The following CTNND2 variants were observed in gnomAD, a reference collection of about 807,000 sequenced individuals.
CTNND2 encodes catenin delta 2.
A neutral mutation model predicts 144.4 loss-of-function variants in CTNND2; 22 were observed. The observed-to-expected ratio is 0.15, with a 90% confidence interval of 0.11 to 0.22. The LOEUF (loss-of-function observed/expected upper bound fraction) is 0.22. CTNND2 is among the 10% of genes least tolerant of loss of function. The probability of loss-of-function intolerance (pLI) is 1.00; values close to 1 mark genes in which losing one functional copy is unlikely to be tolerated. For synonymous variants in CTNND2, 751 were observed against 695.6 expected, an observed-to-expected ratio of 1.08 and a Z score of -1.25; for missense variants, 1,353 against 1,618.8, an observed-to-expected ratio of 0.84 and a Z score of 2.82.
At chr5:11,668,178 T>C (rs1031610521) in intron 2 of CTNND2, among the ~76,000 whole-genome samples, 3 of 152,216 alleles carry the variant, frequency 2.0e-5, no homozygotes, top group Non-Finnish European at 4.4e-5. Flanking sequence ...CCTTGTAATA[T>C]AGTTTGAAGT....
intron 12 of CTNND2, among the ~76,000 whole-genome samples, chr5:11,134,347 C>T (rs1170784383): frequency 2.0e-5 from 3 of 152,146 alleles, no homozygotes; most frequent in Non-Finnish European, 4.4e-5. Flanking sequence ...CTCTTCTGTG[C>T]AAAAAGAGCC....
chr5:11,700,329 G>A (rs1016237423), intron 2 of CTNND2, among the ~76,000 whole-genome samples: 1 of 152,162 alleles, frequency 6.6e-6, no homozygotes, highest in Admixed American at 6.5e-5. Flanking sequence ...GGCAGAGGGT[G>A]CAGTGAGCCA....
chr5:11,623,815 T>C lies in CTNND2; in HGVS notation c.175-58759A>G, dbSNP rs1248714060. Among the ~76,000 whole-genome samples the C allele has an allele frequency of 4.5e-4, 20 of 44,052 alleles. No homozygotes were observed. The East Asian group carries it at 7.3e-3, about 16-fold the overall frequency. The allele number at this position is 44,052 out of a possible 152,430, so 28.9% of individuals were successfully genotyped here. On this transcript the variant is annotated intron_variant, in intron 2 of 21. Transcript: ENST00000304623. ...ATATATATATGTGTGTATGTATATA[T>C]ATATATATATATATATATATATATA...
intron 2 of CTNND2, among the ~76,000 whole-genome samples, chr5:11,667,857 T>C (rs1175736005): frequency 6.6e-6 from 1 of 152,208 alleles, no homozygotes; most frequent in Non-Finnish European, 1.5e-5. Context: ...ATGTCCAGAA[T>C]GGTATTGCCT....
chr5:11,017,160 T>TAA (rs55739159), intron 18 of CTNND2, among the ~76,000 whole-genome samples: 3,238 of 146,548 alleles, frequency 0.022, 74 homozygotes, highest in Non-Finnish European at 0.027. Context: ...TGGGAAATGT[T>TAA]AAAAAAAAAA....
chr5:11,005,506 A>G (rs962809598), intron 18 of CTNND2, among the ~76,000 whole-genome samples: 2 of 152,204 alleles, frequency 1.3e-5, no homozygotes, highest in African/African-American at 4.8e-5. Flanking sequence ...ATGATGATGG[A>G]AGTAAGGATG....
At chr5:11,434,382 C>G (rs1035504791) in intron 3 of CTNND2, among the ~76,000 whole-genome samples, 1 of 152,166 alleles carries the variant, frequency 6.6e-6, no homozygotes, top group African/African-American at 2.4e-5. Flanking sequence ...CCTGGGAAGA[C>G]AGCGTAATAT....
At chr5:11,898,550 A>G (rs1300157529) in intron 1 of CTNND2, among the ~76,000 whole-genome samples, 2 of 152,172 alleles carry the variant, frequency 1.3e-5, no homozygotes, top group Non-Finnish European at 2.9e-5. Context: ...TCTAATATCA[A>G]TGATCCAATT....
At chr5:11,124,227 C>T (rs1318520709) in intron 12 of CTNND2, among the ~76,000 whole-genome samples, 1 of 152,146 alleles carries the variant, frequency 6.6e-6, no homozygotes, top group Non-Finnish European at 1.5e-5. Flanking sequence ...GACCTAATAG[C>T]TACCCCTTCA....
intron 3 of CTNND2, among the ~76,000 whole-genome samples, chr5:11,463,672 G>C (rs1038109509): frequency 6.0e-5 from 9 of 150,258 alleles, no homozygotes; most frequent in African/African-American, 2.0e-4. Context: ...GAGCACACAT[G>C]GGGTGCTTCA....
rs192673370 is a variant in CTNND2 at position 11,611,068 on chromosome 5, A to G, written c.175-46012T>C. ...GAGGGACCTGGTGGGAGGTAATTTA[A>G]TCATGCGGACAGTTACCCCTCATGC... On this transcript the variant is annotated intron_variant, in intron 2 of 21. Transcript: ENST00000304623. 2.6e-5 allele frequency among the ~76,000 whole-genome samples: 4 copies of G among 152,274 alleles called. No homozygotes were observed. In the East Asian group the frequency reaches 7.7e-4, roughly 29 times the overall value.
At chr5:11,126,350 C>T (rs148842839) in intron 12 of CTNND2, among the ~76,000 whole-genome samples, 13 of 152,240 alleles carry the variant, frequency 8.5e-5, no homozygotes, top group South Asian at 4.2e-4. Context: ...AATTAATACC[C>T]TGTTAATGAA....
intron 2 of CTNND2, among the ~76,000 whole-genome samples, chr5:11,721,497 T>C (rs1232624132): frequency 6.6e-6 from 1 of 152,220 alleles, no homozygotes; most frequent in Non-Finnish European, 1.5e-5. Context: ...TCTACTGCTG[T>C]GTAACAAACC....
intron 10 of CTNND2, among the ~76,000 whole-genome samples, chr5:11,213,183 C>T (rs1049353309): frequency 5.3e-5 from 8 of 152,100 alleles, no homozygotes; most frequent in Non-Finnish European, 8.8e-5. Flanking sequence ...GTGTTCTGAG[C>T]CCCAGCAAGG....
At chr5:11,623,177 A>G (rs1271688429) in intron 2 of CTNND2, among the ~76,000 whole-genome samples, 1 of 152,180 alleles carries the variant, frequency 6.6e-6, no homozygotes, top group African/African-American at 2.4e-5. Flanking sequence ...TCAAATCGGT[A>G]GAAGTGTTCA....
chr5:11,517,445 A>G (rs1481751177), intron 3 of CTNND2, among the ~76,000 whole-genome samples: 1 of 152,246 alleles, frequency 6.6e-6, no homozygotes, highest in Non-Finnish European at 1.5e-5. Flanking sequence ...AGTAATTTTT[A>G]ACACCTTTGT....
intron 2 of CTNND2, among the ~76,000 whole-genome samples, chr5:11,647,216 AC>A (rs1393995869): frequency 1.3e-5 from 2 of 151,930 alleles, no homozygotes; most frequent in African/African-American, 4.8e-5. Flanking sequence ...ACACTGCCCC[AC>A]CCCAATTCTT....
chr5:11,810,096 A>G (rs1792240265), intron 1 of CTNND2, among the ~76,000 whole-genome samples: 2 of 152,196 alleles, frequency 1.3e-5, no homozygotes, highest in African/African-American at 2.4e-5. Context: ...AAGACTATAC[A>G]TGCCAACTTG....
chr5:11,470,474 A>G (rs577076051), intron 3 of CTNND2, among the ~76,000 whole-genome samples: 1 of 152,266 alleles, frequency 6.6e-6, no homozygotes, highest in African/African-American at 2.4e-5. Flanking sequence ...GAGAGTTTTG[A>G]TTGTCCCATA....
Sources: gnomAD v4.1 joint callset for allele counts (sites outside exome capture counted in the v4.1 genomes callset) on GRCh38, gnomAD v4.1.1 for gene constraint, MANE v1.5 for transcripts, NCBI Gene and HGNC (gene_info 2026-07-23, HGNC 2026-07-21) for gene names.